The following TAFA5 variants were observed in gnomAD, a reference collection of about 807,000 sequenced individuals.
The protein encoded by TAFA5 is chemokine-like protein TAFA-5.
TAFA5 carries 6 observed loss-of-function variants against 15.3 expected under a neutral mutation model. The ratio of observed to expected loss-of-function variants is 0.39; its 90% CI spans 0.21 to 0.77. The LOEUF is 0.77. Ranked by LOEUF, TAFA5 falls within the 30% of genes least tolerant of loss-of-function variation. TAFA5 has a pLI of 0.41. For synonymous variants in TAFA5, 103 were observed against 80.7 expected, an observed-to-expected ratio of 1.28 and a Z score of -1.48; for missense variants, 161 against 193.1, an observed-to-expected ratio of 0.83 and a Z score of 0.98.
At chr22:48,562,407 G>T (rs1923266534) in intron 1 of TAFA5, among the ~76,000 whole-genome samples, 1 of 152,196 alleles carries the variant, frequency 6.6e-6, no homozygotes, top group Non-Finnish European at 1.5e-5. Flanking sequence ...CAAAGTGCTG[G>T]GATTACAGGC....
At chr22:48,637,617 G>T (rs529969303) in intron 1 of TAFA5, among the ~76,000 whole-genome samples, 112 of 152,264 alleles carry the variant, frequency 7.4e-4, no homozygotes, top group Non-Finnish European at 1.2e-3. Flanking sequence ...TATCCCTGCT[G>T]GTCTCGTATC....
intron 1 of TAFA5, among the ~76,000 whole-genome samples, chr22:48,510,366 C>T (rs887202369): frequency 2.6e-5 from 4 of 152,178 alleles, no homozygotes; most frequent in African/African-American, 9.7e-5. Flanking sequence ...CCCAAATAAT[C>T]TCATTAAAAG....
At position 48,652,883 on chromosome 22, in the gene TAFA5, C is replaced by A. The variant is rs16999645; in HGVS notation, c.262+6137C>A. On this transcript the variant is annotated intron_variant, in intron 2 of 3. Coordinates refer to ENST00000402357, the MANE Select transcript of TAFA5 (RefSeq NM_001082967.3). ...AGGGAGATCCCAGCATTTCTGGAGGCTTCCCGAGGCCATGGGCGACTGGGT... is the reference window on the plus strand; with the variant it reads ...AGGGAGATCCCAGCATTTCTGGAGGATTCCCGAGGCCATGGGCGACTGGGT... 9.6e-3 allele frequency among the ~76,000 whole-genome samples: 1,468 copies of A among 152,240 alleles called. 22 individuals are homozygous for A. The highest frequency in any genetic ancestry group is 0.032 in the African/African-American group (1,350 of 41,548).
At chr22:48,645,849 C>T (rs1207507855) in intron 1 of TAFA5, among the ~76,000 whole-genome samples, 2 of 152,174 alleles carry the variant, frequency 1.3e-5, no homozygotes, top group Admixed American at 1.3e-4. Flanking sequence ...ACCTGGGTGC[C>T]ACCCGTGTAA....
chr22:48,657,813 T>C (rs572432861), intron 2 of TAFA5, among the ~76,000 whole-genome samples: 1 of 152,264 alleles, frequency 6.6e-6, no homozygotes, highest in African/African-American at 2.4e-5. Flanking sequence ...GGAGACCCGA[T>C]GATGAACAAA....
At chr22:48,517,724 C>G (rs904080497) in intron 1 of TAFA5, among the ~76,000 whole-genome samples, 1 of 152,284 alleles carries the variant, frequency 6.6e-6, no homozygotes, top group African/African-American at 2.4e-5. Flanking sequence ...GCACCGAGAT[C>G]CCCACATCCA....
chr22:48,641,127 G>A (rs905511715), intron 1 of TAFA5, among the ~76,000 whole-genome samples: 15 of 146,168 alleles, frequency 1.0e-4, no homozygotes, highest in East Asian at 2.0e-4. Flanking sequence ...CTATGGGACA[G>A]CTTCTGCCTG....
rs77494151 is a variant in TAFA5 at position 48,588,971 on chromosome 22, C to T, written c.113-57626C>T. 2.4e-3 allele frequency among the ~76,000 whole-genome samples: 370 copies of T among 152,358 alleles called. 10 individuals carry two copies. In the East Asian group the frequency reaches 0.058, roughly 24 times the overall value. ...ATTTTATTAGCCAATTACCTTCCTTCTCCTCCGATTACAGAAGCAGCCAAG... is the reference window on the plus strand; with the variant it reads ...ATTTTATTAGCCAATTACCTTCCTTTTCCTCCGATTACAGAAGCAGCCAAG... On this transcript the variant is annotated intron_variant, in intron 1 of 3. Coordinates refer to ENST00000402357, the MANE Select transcript of TAFA5 (RefSeq NM_001082967.3).
At position 48,552,048 on chromosome 22, in the gene TAFA5, G is replaced by T. The variant is rs1325597655; in HGVS notation, c.112+62344G>T. Among the ~76,000 whole-genome samples, 1 of 152,198 alleles carries T rather than the reference G, an allele frequency of 6.6e-6. No individual in the cohort carries two copies. The highest frequency in any genetic ancestry group is 1.5e-5 in the Non-Finnish European group (1 of 68,028). Reference sequence around the variant, plus strand: ...TCAGCTCTGACTGTCCTCCCGGCAGGAAGCGTCCTCCAGTGCTCCCTCTGC... The same window carrying T: ...TCAGCTCTGACTGTCCTCCCGGCAGTAAGCGTCCTCCAGTGCTCCCTCTGC... On this transcript the variant is annotated intron_variant, in intron 1 of 3. Coordinates refer to ENST00000402357, the MANE Select transcript of TAFA5 (RefSeq NM_001082967.3). This position sits in a 1 kb window ranked among gnomAD's most constrained non-coding sequence, Gnocchi z 4.1.
chr22:48,630,904 C>G (rs1926200289), intron 1 of TAFA5, among the ~76,000 whole-genome samples: 1 of 152,144 alleles, frequency 6.6e-6, no homozygotes, highest in Non-Finnish European at 1.5e-5. Flanking sequence ...GTCCCAGGGG[C>G]ACCTGCATGG....
At chr22:48,622,056 A>G (rs1363006829) in intron 1 of TAFA5, among the ~76,000 whole-genome samples, 1 of 152,076 alleles carries the variant, frequency 6.6e-6, no homozygotes, top group Non-Finnish European at 1.5e-5. Flanking sequence ...ACAACTTCTC[A>G]CGGCAGTGCA....
intron 2 of TAFA5, among the ~76,000 whole-genome samples, chr22:48,653,260 C>G (rs1333814391): frequency 6.6e-6 from 1 of 152,192 alleles, no homozygotes; most frequent in Non-Finnish European, 1.5e-5. Context: ...TGGAGATGCC[C>G]TGGGATGCGG....
Position 48,723,240 on chromosome 22 carries a change from C to G in TAFA5, c.390+15396C>G, listed in dbSNP as rs367635519. On this transcript the variant is annotated intron_variant, in intron 3 of 3. Transcript: ENST00000402357. ...CCCCCTTCCAAATGGCTTCTGCATG[C>G]CACAGTGGGAATGAAATACGACGTG... Among the ~76,000 whole-genome samples, 14 of 152,318 alleles carry G rather than the reference C, an allele frequency of 9.2e-5. No homozygotes were observed. The South Asian group carries it at 2.5e-3, about 27-fold the overall frequency.
intron 1 of TAFA5, among the ~76,000 whole-genome samples, chr22:48,607,574 G>T (rs916164425): frequency 4.1e-5 from 5 of 123,174 alleles, no homozygotes; most frequent in Admixed American, 7.5e-5. Flanking sequence ...CCCATCCCAG[G>T]TACCTCAGCC....
chr22:48,720,922 G>C (rs1303539591), intron 3 of TAFA5, among the ~76,000 whole-genome samples: 2 of 152,178 alleles, frequency 1.3e-5, no homozygotes, highest in Admixed American at 6.5e-5. Flanking sequence ...CCCAGAATAG[G>C]CACTTCTTGT....
chr22:48,633,532 G>GTCTGTCTCTCTCTCTCTCTC (rs1555894461), intron 1 of TAFA5, among the ~76,000 whole-genome samples: 2 of 138,872 alleles, frequency 1.4e-5, no homozygotes, highest in East Asian at 4.7e-4. Flanking sequence ...CTGTCTGTCT[G>GTCTGTCTCTCTCTCTCTCTC]TCTCTCCCTC....
intron 2 of TAFA5, among the ~76,000 whole-genome samples, chr22:48,656,755 CTTTTTTTTTTTTT>C (rs1223042941): frequency 6.7e-5 from 1 of 14,884 alleles, no homozygotes; most frequent in Non-Finnish European, 1.9e-4. Context: ...GATGGAGTCT[CTTTTTTTTTTTTT>C]TTTTTTTTTT....
chr22:48,726,622 G>A (rs1466453544), intron 3 of TAFA5, among the ~76,000 whole-genome samples: 3 of 134,594 alleles, frequency 2.2e-5, no homozygotes, highest in Admixed American at 7.6e-5. Context: ...AGTCTGGACG[G>A]GAGAATCACT....
intron 1 of TAFA5, chr22:48,543,360 C>T (rs895324134): frequency 3.3e-5 from 5 of 152,174 alleles, no homozygotes; most frequent in African/African-American, 1.2e-4. Context: ...GGCAATGAAG[C>T]AGGCCCGAGT....
Sources: gnomAD v4.1 joint callset for allele counts (sites outside exome capture counted in the v4.1 genomes callset) on GRCh38, gnomAD v4.1.1 for gene constraint, Gnocchi (gnomAD v3.1) non-coding constraint, MANE v1.5 for transcripts, NCBI Gene and HGNC (gene_info 2026-07-23, HGNC 2026-07-21) for gene names.